ARHGAP27: variants seen among roughly 807,000 people sequenced by gnomAD.
The protein encoded by ARHGAP27 is Rho GTPase activating protein 27.
Under a neutral mutation model 102.0 loss-of-function variants are expected in ARHGAP27, and 53 were observed. That is an observed-to-expected ratio of 0.52 (90% CI 0.42 to 0.65). The LOEUF (loss-of-function observed/expected upper bound fraction) is 0.65. Ranked by LOEUF, ARHGAP27 falls within the 30% of genes least tolerant of loss-of-function variation. The probability of loss-of-function intolerance (pLI) is 0.00; values close to 1 mark genes in which losing one functional copy is unlikely to be tolerated. For synonymous variants in ARHGAP27, 525 were observed against 542.8 expected (o/e 0.97, Z 0.46); for missense variants, 1,117 against 1,256.2 (o/e 0.89, Z 1.68).
intron 12 of ARHGAP27, among the ~76,000 whole-genome samples, chr17:45,400,129 C>T (rs2046267108): frequency 6.6e-6 from 1 of 152,208 alleles, no homozygotes; most frequent in South Asian, 2.1e-4. Context: ...AGCCACTGCA[C>T]TCCAGCCTGG....
intron 4 of ARHGAP27, among the ~76,000 whole-genome samples, chr17:45,414,042 G>A (rs2048189694): frequency 6.6e-6 from 1 of 151,752 alleles, no homozygotes; most frequent in East Asian, 1.9e-4. Flanking sequence ...GGAGGCAGAG[G>A]TTACAGTGAA....
intron 4 of ARHGAP27, chr17:45,410,001 C>T: frequency 1.8e-6 from 1 of 569,020 alleles, no homozygotes; most frequent in Non-Finnish European, 3.0e-6. Flanking sequence ...TACAGTGGTT[C>T]ACCCCTTATC....
intron 4 of ARHGAP27, among the ~76,000 whole-genome samples, chr17:45,413,189 AG>A (rs1473975558): frequency 6.6e-6 from 1 of 151,798 alleles, no homozygotes; most frequent in African/African-American, 2.4e-5. Flanking sequence ...CGTGTTGGCC[AG>A]GCTGGTCTCA....
In ARHGAP27 at chr17:45,430,036, G is replaced by A; in HGVS notation, c.244C>T (p.His82Tyr). Residue 82 changes from histidine (H) to tyrosine (Y), a missense_variant, in exon 4 of 20, where the codon CAC becomes TAC. By Grantham distance (83) the His-to-Tyr change is moderately conservative. This residue lies in a region of ARHGAP27 where 610 missense variants were observed against 716.4 expected (regional missense o/e 0.85). Transcript: ENST00000685559. The surrounding 1 kb of genome is among the most constrained non-coding windows in gnomAD (Gnocchi z 4.4). ...GGCTCAGGGGCCGCGGGGCTCGGGT[G>A]GGGACCTGGCGGCGCGGCGGCGGCA... ...NPAAAAPPGPHPSPAAPEPLA... is the reference protein window; with the variant it reads ...NPAAAAPPGPYPSPAAPEPLA... The A allele has an allele frequency of 8.0e-7, 1 of 1,249,684 alleles. No homozygotes were observed. The highest frequency in any genetic ancestry group is 1.0e-6 in the Non-Finnish European group (1 of 998,350). 77.4% of individuals were successfully genotyped at this position (1,249,684 alleles called of 1,614,324 possible).
intron 11 of ARHGAP27, among the ~76,000 whole-genome samples, chr17:45,403,189 C>T (rs1413282105): frequency 6.6e-6 from 1 of 152,228 alleles, no homozygotes; most frequent in Non-Finnish European, 1.5e-5. Context: ...GTATCACCCC[C>T]TTCCTGCCAA....
chr17:45,429,591 C>G (rs1279865789), intron 4 of ARHGAP27, 32 bp downstream of exon 4: 3 of 1,575,476 alleles, frequency 1.9e-6, no homozygotes, highest in Non-Finnish European at 1.7e-6. Flanking sequence ...AGCGCGCCAC[C>G]CGCCTCCGCG....
intron 11 of ARHGAP27, 61 bp downstream of exon 11, chr17:45,403,558 A>T: frequency 7.2e-7 from 1 of 1,382,788 alleles, no homozygotes; most frequent in Admixed American, 2.1e-5. Context: ...CTCAAAAAAA[A>T]TAAAAATAAA....
At chr17:45,431,836 G>C (rs1287546591) in intron 2 of ARHGAP27, 84 bp from the exon 3 acceptor site, 1 of 173,854 alleles carries the variant, frequency 5.8e-6, no homozygotes, top group African/African-American at 2.4e-5. Context: ...GTGGGGCGAG[G>C]AGGAGCCTGA....
chr17:45,403,634 C>T lies in ARHGAP27; in HGVS notation c.1623G>A (p.Ser541=), dbSNP rs145960769. Residue 541 remains serine (S), a synonymous_variant, in exon 11 of 20, where the codon TCG becomes TCA. Coordinates refer to ENST00000685559, the MANE Select transcript of ARHGAP27 (RefSeq NM_001282290.2). ...VLTFFKDSKT[S]AAGGLRQPSK... ...CTGGCCTTACCAGGCCGCCTGCAGC[C>T]GAGGTCTTTGAGTCCTTGAAGAATG... 6.5e-5 allele frequency: 105 copies of T among 1,613,926 alleles called. No individual in the cohort carries two copies. Among genetic ancestry groups the T allele is most frequent in the African/African-American group, 5.1e-4 (38 of 75,044 alleles).
intron 4 of ARHGAP27, among the ~76,000 whole-genome samples, chr17:45,413,322 A>G (rs2048111708): frequency 6.6e-6 from 1 of 152,050 alleles, no homozygotes; most frequent in Non-Finnish European, 1.5e-5. Flanking sequence ...TTCCAAATGT[A>G]ACGGTTTCAG....
intron 4 of ARHGAP27, among the ~76,000 whole-genome samples, chr17:45,416,942 G>C (rs1472233826): frequency 6.6e-6 from 1 of 150,804 alleles, no homozygotes; most frequent in Admixed American, 6.6e-5. Flanking sequence ...ATCACCTGAG[G>C]TCGAGAGTTT....
rs1329805750 is a variant in ARHGAP27 at position 45,395,736 on chromosome 17, C to T, written c.2492+8G>A. On this transcript the variant is annotated splice_region_variant and intron_variant, in intron 19 of 19. Transcript: ENST00000685559. ...CCTCCCCCTTCCCGCGCGGGCCGCC[C>T]GGCTCACCGGCAGAGGTGCTGGAAG... The T allele has an allele frequency of 6.3e-7, 1 of 1,585,220 alleles. No homozygotes were observed. The highest frequency in any genetic ancestry group is 2.3e-5 in the East Asian group (1 of 43,376).
chr17:45,412,962 CTTTTTTTTTTTTTTTTTTTTTTTT>C (rs36233058), intron 4 of ARHGAP27, among the ~76,000 whole-genome samples: 5 of 41,118 alleles, frequency 1.2e-4, no homozygotes, highest in Admixed American at 3.5e-4. Context: ...TCAGTATAAT[CTTTTTTTTTTTTTTTTTTTTTTTT>C]TTTTTTTTTT....
chr17:45,421,820 T>G (rs191585701), intron 4 of ARHGAP27, among the ~76,000 whole-genome samples: 37 of 152,306 alleles, frequency 2.4e-4, no homozygotes, highest in Middle Eastern at 3.4e-3. Flanking sequence ...AAATGAAATG[T>G]GAACAGATTG....
chr17:45,421,281 C>A (rs1350865761), intron 4 of ARHGAP27, among the ~76,000 whole-genome samples: 1 of 151,056 alleles, frequency 6.6e-6, no homozygotes, highest in Admixed American at 6.6e-5. Flanking sequence ...AAATTTAAGA[C>A]CAGCCTGGGC....
chr17:45,430,204 G>T lies in ARHGAP27; in HGVS notation c.76C>A (p.Arg26Ser). The T allele has an allele frequency of 1.3e-6, 2 of 1,554,468 alleles. No individual in the cohort carries two copies. Among genetic ancestry groups the T allele is most frequent in the East Asian group, 2.4e-5 (1 of 42,012 alleles). Residue 26 changes from arginine to serine, a missense_variant, in exon 4 of 20, where the codon CGC becomes AGC. By Grantham distance (110) the Arg-to-Ser change is moderately radical. Around this residue, in one of 3 missense-constraint regions of ARHGAP27, gnomAD observed 610 missense variants for 716.4 expected, o/e 0.85. Coordinates refer to ENST00000685559, the MANE Select transcript of ARHGAP27 (RefSeq NM_001282290.2). This position sits in a 1 kb window ranked among gnomAD's most constrained non-coding sequence, Gnocchi z 4.4. ...PFEYTGKDGR[R>S]VAIRPNERYR... Reference sequence around the variant, plus strand: ...CGCTCATTCGGCCGGATGGCCACGCGGCGCCCGTCCTTGCCGGTGTACTCG... The same window carrying T: ...CGCTCATTCGGCCGGATGGCCACGCTGCGCCCGTCCTTGCCGGTGTACTCG...
Position 45,406,015 on chromosome 17 carries a change from GGCGCC to G in ARHGAP27, c.721_725del (p.Gly241ArgfsTer38). On this transcript the variant is annotated frameshift_variant, in exon 5 of 20. Coordinates refer to ENST00000685559, the MANE Select transcript of ARHGAP27 (RefSeq NM_001282290.2). LOFTEE classifies it high-confidence loss of function. ...CCGGGCTGGGAAGGGGGGCTGCAGC[GGCGCC>G]CGGTGAAGTGGCCCGGGGCTGCCTC... is the stretch of plus-strand genomic sequence containing the variant. 1 of 1,535,036 alleles carries G rather than the reference GGCGCC, an allele frequency of 6.5e-7. No homozygotes were observed. Among genetic ancestry groups the G allele is most frequent in the Non-Finnish European group, 8.7e-7 (1 of 1,146,294 alleles).
At chr17:45,408,755 G>A (rs2047535912) in intron 4 of ARHGAP27, 1 of 152,272 alleles carries the variant, frequency 6.6e-6, no homozygotes, top group Non-Finnish European at 1.5e-5. Context: ...GTGCTCAGCT[G>A]ACAAGCCTCT....
At chr17:45,398,159 C>T (rs541762068) in intron 12 of ARHGAP27, 112 bp from the exon 13 acceptor site, 49 of 728,368 alleles carry the variant, frequency 6.7e-5, no homozygotes, top group Admixed American at 1.5e-4. Context: ...TGCCCCCAGG[C>T]ACTCAGAGCT....
Sources: allele counts gnomAD v4.1 joint callset (sites outside exome capture counted in the v4.1 genomes callset), GRCh38; gene constraint gnomAD v4.1.1; regional missense constraint gnomAD v4.1.1; non-coding constraint Gnocchi (gnomAD v3.1); transcripts MANE v1.5; gene names NCBI Gene and HGNC (gene_info 2026-07-23, HGNC 2026-07-21).